Variants in PACS1 observed in about 807,000 individuals in gnomAD.
PACS1 encodes the protein PACS-1.
Under a neutral mutation model 115.0 loss-of-function variants are expected in PACS1, and 24 were observed. That is an observed-to-expected ratio of 0.21 (90% CI 0.15 to 0.29). The LOEUF (loss-of-function observed/expected upper bound fraction) is 0.29. Among genes scored for constraint, PACS1 ranks in the 10% least tolerant of loss-of-function variants. PACS1 has a pLI of 1.00. For missense variants in PACS1, 838 were observed against 1,251.2 expected, an observed-to-expected ratio of 0.67 and a Z score of 4.98; for synonymous variants, 453 against 504.5, an observed-to-expected ratio of 0.90 and a Z score of 1.37.
In PACS1 at chr11:66,188,731, C is replaced by T. The variant is rs564711361; in HGVS notation, c.357-4755C>T. ...AGCTTCCTAATCACTGAGACTACTT[C>T]GTTACAATGTCTTGCCAGACACAGT... On this transcript the variant is annotated intron_variant, in intron 1 of 23. Coordinates refer to ENST00000320580, the MANE Select transcript of PACS1 (RefSeq NM_018026.4). 1.2e-4 allele frequency among the ~76,000 whole-genome samples: 18 copies of T among 152,264 alleles called. No individual in the cohort carries two copies. In the South Asian group the frequency reaches 3.5e-3, roughly 30 times the overall value.
intron 1 of PACS1, among the ~76,000 whole-genome samples, chr11:66,132,041 G>A (rs1342762113): frequency 6.6e-6 from 1 of 151,564 alleles, no homozygotes; most frequent in Non-Finnish European, 1.5e-5. Flanking sequence ...TTGGTTCCAC[G>A]AGCAGCCCTC....
At chr11:66,199,314 CAAAA>C (rs35445093) in intron 2 of PACS1, among the ~76,000 whole-genome samples, 2 of 92,134 alleles carry the variant, frequency 2.2e-5, no homozygotes, top group Admixed American at 1.2e-4. Context: ...GACTCCATCT[CAAAA>C]AAAAAAAAAA....
chr11:66,089,512 C>T (rs1352858390), intron 1 of PACS1, among the ~76,000 whole-genome samples: 8 of 152,176 alleles, frequency 5.3e-5, no homozygotes, highest in Admixed American at 1.3e-4. Context: ...GTGGATTGAA[C>T]GCTGGACTTG....
At chr11:66,135,693 G>C (rs1858824645) in intron 1 of PACS1, among the ~76,000 whole-genome samples, 2 of 144,922 alleles carry the variant, frequency 1.4e-5, no homozygotes, top group East Asian at 4.0e-4. Flanking sequence ...GCCTTGCTCT[G>C]TCACCCAGGC....
intron 1 of PACS1, among the ~76,000 whole-genome samples, chr11:66,139,017 C>T (rs1260656185): frequency 6.6e-6 from 1 of 152,034 alleles, no homozygotes; most frequent in Non-Finnish European, 1.5e-5. Context: ...CCAGGCGACC[C>T]TTAGGCACAC....
chr11:66,186,861 G>A (rs553389044), intron 1 of PACS1, among the ~76,000 whole-genome samples: 2 of 152,170 alleles, frequency 1.3e-5, no homozygotes, highest in South Asian at 2.1e-4. Context: ...GGCCCGTAAC[G>A]TTGCCGTTGT....
At chr11:66,117,392 A>G (rs1324388043) in intron 1 of PACS1, among the ~76,000 whole-genome samples, 1 of 148,732 alleles carries the variant, frequency 6.7e-6, no homozygotes, top group Non-Finnish European at 1.5e-5. Context: ...ACCCAGGAGG[A>G]GAGGTTGCAG....
Position 66,128,883 on chromosome 11 carries a change from CA to C in PACS1, c.356+58056del, listed in dbSNP as rs71455705. On this transcript the variant is annotated intron_variant, in intron 1 of 23. Coordinates refer to ENST00000320580, the MANE Select transcript of PACS1 (RefSeq NM_018026.4). ...TGGGCAACAGAGCCGGACTCCATCT[CA>C]AAAAAAAAAAAAAATGTGAGTGAGA... Among the ~76,000 whole-genome samples, 557 of 127,894 alleles carry C rather than the reference CA, an allele frequency of 4.4e-3. 1 individual carries two copies. Among genetic ancestry groups the C allele is most frequent in the African/African-American group, 8.1e-3 (286 of 35,216 alleles). 83.9% of individuals were successfully genotyped at this position (127,894 alleles called of 152,430 possible). A position where few individuals can be genotyped will look rare whatever the true frequency, so the allele number is the denominator to read the frequency against.
chr11:66,236,029 G>C lies in PACS1; in HGVS notation c.2250+89G>C. The stretch of plus-strand genomic sequence containing the variant: ...CACAGGAAAACAAAAGATTCATCTA[G>C]AACAGTGGTTCTCCAGACACTGGAG... On this transcript the variant is annotated intron_variant, in intron 19 of 23. Transcript: ENST00000320580. The surrounding 1 kb of genome is among the most constrained non-coding windows in gnomAD (Gnocchi z 4.2). 2 of 1,221,226 alleles carry C rather than the reference G, an allele frequency of 1.6e-6. No homozygotes were observed. Among genetic ancestry groups the C allele is most frequent in the Non-Finnish European group, 1.2e-6 (1 of 821,684 alleles). The allele number at this position is 1,221,226 out of a possible 1,614,324, so 75.6% of individuals were successfully genotyped here. A position where few individuals can be genotyped will look rare whatever the true frequency, so the allele number is the denominator to read the frequency against.
At chr11:66,079,301 A>AG (rs972090663) in intron 1 of PACS1, among the ~76,000 whole-genome samples, 1 of 42,434 alleles carries the variant, frequency 2.4e-5, no homozygotes, top group African/African-American at 6.3e-5. Context: ...TCTTTGTAGC[A>AG]GGTTTTTTTT....
chr11:66,169,566 ATT>A (rs59176258), intron 1 of PACS1, among the ~76,000 whole-genome samples: 3 of 115,314 alleles, frequency 2.6e-5, no homozygotes, highest in African/African-American at 7.6e-5. Flanking sequence ...CGCCCGGCTA[ATT>A]TTTTTTTTTT....
At chr11:66,214,801 T>G (rs908211845) in intron 4 of PACS1, among the ~76,000 whole-genome samples, 1 of 151,808 alleles carries the variant, frequency 6.6e-6, no homozygotes, top group Non-Finnish European at 1.5e-5. Flanking sequence ...TTTTTATTTT[T>G]AGTAGAGACG....
At chr11:66,155,613 G>T (rs1230556519) in intron 1 of PACS1, among the ~76,000 whole-genome samples, 1 of 152,152 alleles carries the variant, frequency 6.6e-6, no homozygotes, top group Non-Finnish European at 1.5e-5. Flanking sequence ...CAAGGATGTG[G>T]CACAAGCAGA....
At chr11:66,241,724 A>G in intron 22 of PACS1, 71 bp downstream of exon 22, 1 of 1,260,104 alleles carries the variant, frequency 7.9e-7, no homozygotes, top group Non-Finnish European at 1.1e-6. Context: ...GGGCCTGGGA[A>G]TAAATCTGCT....
chr11:66,076,653 A>G (rs1764872796), intron 1 of PACS1, among the ~76,000 whole-genome samples: 1 of 152,228 alleles, frequency 6.6e-6, no homozygotes, highest in South Asian at 2.1e-4. Flanking sequence ...TCGGCCTCCC[A>G]AAGTGCTGGG....
At chr11:66,108,045 A>G (rs1590749305) in intron 1 of PACS1, among the ~76,000 whole-genome samples, 1 of 152,208 alleles carries the variant, frequency 6.6e-6, no homozygotes, top group Non-Finnish European at 1.5e-5. Flanking sequence ...AACAAGGCCA[A>G]GAGAACCCAG....
chr11:66,160,596 G>A lies in PACS1; in HGVS notation c.357-32890G>A, dbSNP rs1052905035. Among the ~76,000 whole-genome samples, 18 of 151,398 alleles carry A rather than the reference G, an allele frequency of 1.2e-4. 1 individual carries two copies. Among genetic ancestry groups the A allele is most frequent in the African/African-American group, 3.2e-4 (13 of 41,184 alleles). ...ACTGTATCCTCAATCTCCTGGGCTC[G>A]AGTGATTCTCCCACCTCAGCCTCCC... On this transcript the variant is annotated intron_variant, in intron 1 of 23. Coordinates refer to ENST00000320580, the MANE Select transcript of PACS1 (RefSeq NM_018026.4).
At chr11:66,072,330 C>G (rs764959285) in intron 1 of PACS1, among the ~76,000 whole-genome samples, 7 of 152,046 alleles carry the variant, frequency 4.6e-5, no homozygotes, top group Non-Finnish European at 7.4e-5. Flanking sequence ...GTTTAACACC[C>G]ACAGTAATGC....
intron 1 of PACS1, among the ~76,000 whole-genome samples, chr11:66,177,528 G>T (rs962740009): frequency 1.3e-5 from 2 of 152,166 alleles, no homozygotes; most frequent in Non-Finnish European, 2.9e-5. Flanking sequence ...AGACTTTTCA[G>T]TTGTTCTTGG....
Sources: allele counts gnomAD v4.1 joint callset (sites outside exome capture counted in the v4.1 genomes callset), GRCh38; gene constraint gnomAD v4.1.1; non-coding constraint Gnocchi (gnomAD v3.1); transcripts MANE v1.5; gene names NCBI Gene and HGNC (gene_info 2026-07-23, HGNC 2026-07-21).